FSTL5: variants seen among roughly 807,000 people sequenced by gnomAD.
FSTL5 encodes the protein follistatin like 5, also known as follistatin-related protein 5.
A neutral mutation model predicts 89.1 loss-of-function variants in FSTL5; 62 were observed. That is an observed-to-expected ratio of 0.70 (90% confidence interval 0.57 to 0.86). The LOEUF (loss-of-function observed/expected upper bound fraction) is 0.86. FSTL5 is among the 40% of genes least tolerant of loss of function. The pLI is 0.00. For synonymous variants in FSTL5, 383 were observed against 346.2 expected (o/e 1.11, Z -1.18); for missense variants, 1,057 against 1,001.6 (o/e 1.06, Z -0.75).
At chr4:162,124,701 T>C (rs931785821) in intron 1 of FSTL5, among the ~76,000 whole-genome samples, 8 of 150,168 alleles carry the variant, frequency 5.3e-5, no homozygotes, top group African/African-American at 1.8e-4. Context: ...ACTCCTTTTT[T>C]TGTTTGTTTT....
rs70937700 is a variant in FSTL5, at chr4:161,977,639, AAAT to A, written c.160+55983_160+55985del. 4.1e-3 allele frequency among the ~76,000 whole-genome samples: 410 copies of A among 101,102 alleles called. 6 individuals are homozygous for A. The highest frequency in any genetic ancestry group is 0.012 in the African/African-American group (290 of 24,310). The allele number at this position is 101,102 out of a possible 152,430, so 66.3% of individuals were successfully genotyped here. A position where few individuals can be genotyped will look rare whatever the true frequency, so the allele number is the denominator to read the frequency against. ...AAAAAAAAAAAAAAAAAAAAAAAAA[AAAT>A]AATAATAATAATAATAATAATAATA... On this transcript the variant is annotated intron_variant, in intron 3 of 15. Coordinates refer to ENST00000306100, the MANE Select transcript of FSTL5 (RefSeq NM_020116.5).
In FSTL5 at chr4:161,905,674, G is replaced by C. The variant is rs112105970; in HGVS notation, c.409+14730C>G. Among the ~76,000 whole-genome samples, 697 of 152,250 alleles carry C rather than the reference G, an allele frequency of 4.6e-3. 5 individuals are homozygous for C. Among genetic ancestry groups the C allele is most frequent in the African/African-American group, 0.016 (649 of 41,538 alleles). On this transcript the variant is annotated intron_variant, in intron 4 of 15. Coordinates refer to ENST00000306100, the MANE Select transcript of FSTL5 (RefSeq NM_020116.5). ...GCTAAGGAAACTGCGAATTAGACCA[G>C]TAGGGACCTCACTGAGACTGCTTGA...
intron 3 of FSTL5, among the ~76,000 whole-genome samples, chr4:161,990,154 A>G (rs899920739): frequency 6.6e-6 from 1 of 152,182 alleles, no homozygotes; most frequent in Non-Finnish European, 1.5e-5. Flanking sequence ...TATCTAAACT[A>G]GTGGTGCTAG....
intron 5 of FSTL5, among the ~76,000 whole-genome samples, chr4:161,766,683 A>C (rs1741012539): frequency 1.3e-5 from 2 of 152,190 alleles, no homozygotes; most frequent in African/African-American, 4.8e-5. Flanking sequence ...GCTTCCCCTT[A>C]AAATTATTCG....
intron 1 of FSTL5, among the ~76,000 whole-genome samples, chr4:162,142,249 T>C (rs1732780367): frequency 6.6e-6 from 1 of 152,110 alleles, no homozygotes; most frequent in Admixed American, 6.6e-5. Flanking sequence ...TGTGGTGTCC[T>C]GAAAGGCAAG....
At chr4:161,401,146 T>C (rs1252029972) in intron 15 of FSTL5, among the ~76,000 whole-genome samples, 2 of 152,204 alleles carry the variant, frequency 1.3e-5, no homozygotes, top group African/African-American at 4.8e-5. Flanking sequence ...GAACTAAGCA[T>C]ACAAAATACA....
chr4:161,405,839 C>A (rs1054213069), intron 15 of FSTL5, among the ~76,000 whole-genome samples: 2 of 152,132 alleles, frequency 1.3e-5, no homozygotes, highest in African/African-American at 4.8e-5. Context: ...AGATTAACAA[C>A]ACATTTATCA....
At chr4:161,876,621 T>A (rs1345448379) in intron 4 of FSTL5, among the ~76,000 whole-genome samples, 1 of 152,104 alleles carries the variant, frequency 6.6e-6, no homozygotes, top group Admixed American at 6.6e-5. Context: ...ATGCCTATAG[T>A]GCCAGATACG....
Position 161,385,757 on chromosome 4 carries a change from C to T in FSTL5, c.2534G>A (p.Gly845Glu), listed in dbSNP as rs148257997. Reference protein sequence around the residue: ...VEKGNTVIWVGDA With the variant: ...VEKGNTVIWVEDA ...TGTATCGTAGGGTTTTTAGGCATCT[C>T]CAACCCAAATGACTGTATTTCCTTT... Residue 845 changes from glycine to glutamate, a missense_variant, in exon 16 of 16, where the codon GGA (glycine) becomes GAA (glutamate). Around this residue, in one of 3 missense-constraint regions of FSTL5, gnomAD observed 68 missense variants for 73.3 expected, o/e 0.93. Transcript: ENST00000306100. 6.3e-7 allele frequency: 1 copy of T among 1,593,362 alleles called. No individual in the cohort carries two copies.
intron 4 of FSTL5, among the ~76,000 whole-genome samples, chr4:161,904,895 T>C: frequency 6.6e-6 from 1 of 152,010 alleles, no homozygotes; most frequent in Admixed American, 6.6e-5. Context: ...AATATTACTA[T>C]TAAGTTTCAT....
intron 15 of FSTL5, among the ~76,000 whole-genome samples, chr4:161,452,616 G>A (rs1468071541): frequency 6.6e-6 from 1 of 151,492 alleles, no homozygotes; most frequent in Non-Finnish European, 1.5e-5. Context: ...GGAAACGCAT[G>A]TTAATTTTTA....
At chr4:161,762,222 C>T (rs892971927) in intron 5 of FSTL5, among the ~76,000 whole-genome samples, 1 of 152,128 alleles carries the variant, frequency 6.6e-6, no homozygotes, top group Admixed American at 6.5e-5. Context: ...GGCTAGAGTG[C>T]AGTGGCGCAT....
intron 12 of FSTL5, among the ~76,000 whole-genome samples, chr4:161,497,931 A>G (rs1203806905): frequency 6.6e-6 from 1 of 151,824 alleles, no homozygotes; most frequent in African/African-American, 2.4e-5. Context: ...AAAATTATAC[A>G]TAGTTTGCAT....
At chr4:162,047,749 T>C (rs2111248095) in intron 2 of FSTL5, among the ~76,000 whole-genome samples, 1 of 151,800 alleles carries the variant, frequency 6.6e-6, no homozygotes, top group South Asian at 2.1e-4. Flanking sequence ...TGCTTGAACC[T>C]GGGAGGCGGA....
chr4:161,608,140 A>G (rs1734516027), intron 7 of FSTL5, among the ~76,000 whole-genome samples: 1 of 152,188 alleles, frequency 6.6e-6, no homozygotes, highest in African/African-American at 2.4e-5. Flanking sequence ...CCTCACAAGT[A>G]GATATCAGGA....
At chr4:161,731,135 T>G (rs1310627434) in intron 6 of FSTL5, among the ~76,000 whole-genome samples, 2 of 152,224 alleles carry the variant, frequency 1.3e-5, no homozygotes, top group Non-Finnish European at 1.5e-5. Flanking sequence ...TAGGCTAAAC[T>G]GCACATATTT....
In FSTL5 at chr4:161,513,272, GGAGAGA is replaced by G. The variant is rs6148753; in HGVS notation, c.1313-2854_1313-2849del. On this transcript the variant is annotated intron_variant, in intron 10 of 15. Transcript: ENST00000306100. Reference sequence around the variant, plus strand: ...ACTGAACTGAACCAAACAAGGAGGGGGAGAGAGAGAGAGAGAGAGAGAGAGAGAGAG... The same window carrying G: ...ACTGAACTGAACCAAACAAGGAGGGGGAGAGAGAGAGAGAGAGAGAGAGAG... Among the ~76,000 whole-genome samples, 863 of 109,872 alleles carry G rather than the reference GGAGAGA, an allele frequency of 7.9e-3. 18 individuals carry two copies. Among genetic ancestry groups the G allele is most frequent in the African/African-American group, 0.021 (595 of 28,542 alleles). The allele number at this position is 109,872 out of a possible 152,430, so 72.1% of individuals were successfully genotyped here.
intron 4 of FSTL5, among the ~76,000 whole-genome samples, chr4:161,781,933 A>AT (rs950178916): frequency 5.3e-5 from 8 of 152,040 alleles, no homozygotes; most frequent in Non-Finnish European, 8.8e-5. Context: ...GCAACCACTG[A>AT]TTTTTTTTAT....
chr4:161,566,103 T>C (rs1304734634), intron 8 of FSTL5, among the ~76,000 whole-genome samples: 1 of 29,708 alleles, frequency 3.4e-5, no homozygotes, highest in African/African-American at 1.6e-4. Flanking sequence ...TTTTGGACTA[T>C]ATATATATAT....
Sources: allele counts gnomAD v4.1 joint callset (sites outside exome capture counted in the v4.1 genomes callset), GRCh38; gene constraint gnomAD v4.1.1; regional missense constraint gnomAD v4.1.1; transcripts MANE v1.5; gene names NCBI Gene and HGNC (gene_info 2026-07-23, HGNC 2026-07-21).